Variants in SCN8A observed in about 807,000 individuals in gnomAD.
The protein encoded by SCN8A is sodium voltage-gated channel alpha subunit 8, also known as sodium channel protein type 8 subunit alpha.
Under a neutral mutation model 184.1 loss-of-function variants are expected in SCN8A, and 30 were observed. The ratio of observed to expected loss-of-function variants is 0.16; its 90% CI spans 0.12 to 0.22. SCN8A has a LOEUF of 0.22. Ranked by LOEUF, SCN8A falls within the 10% of genes least tolerant of loss-of-function variation. The pLI is 1.00. For missense variants in SCN8A, 1,057 were observed against 2,498.9 expected (o/e 0.42, Z 12.30); for synonymous variants, 852 against 907.0 (o/e 0.94, Z 1.09).
chr12:51,806,829 T>C lies in SCN8A; in HGVS notation c.5343T>C (p.Ser1781=), dbSNP rs754025083. The change falls in exon 27 of 27, where the codon AGT becomes AGC. Residue 1781 remains serine (S), a synonymous_variant. Coordinates refer to ENST00000627620, the MANE Select transcript of SCN8A (RefSeq NM_001330260.2). This position sits in a 1 kb window ranked among gnomAD's most constrained non-coding sequence, Gnocchi z 8.7. The part of the protein sequence containing the change: ...VATEESADPL[S]EDDFETFYEI... ...CAGAGGAAAGTGCAGACCCTCTGAG[T>C]GAGGATGACTTTGAGACCTTCTATG... The C allele has an allele frequency of 1.9e-6, 3 of 1,614,126 alleles. No individual in the cohort carries two copies.
chr12:51,623,465 A>G (rs1208072692), intron 1 of SCN8A, among the ~76,000 whole-genome samples: 1 of 152,094 alleles, frequency 6.6e-6, no homozygotes, highest in Non-Finnish European at 1.5e-5. Context: ...TGGGGAGTTT[A>G]CTTATTTGTT....
intron 12 of SCN8A, among the ~76,000 whole-genome samples, chr12:51,736,891 G>A (rs952474799): frequency 7.2e-5 from 11 of 152,192 alleles, no homozygotes; most frequent in African/African-American, 1.9e-4. Context: ...AGTATAGGGC[G>A]TCTGAAAAAC....
intron 26 of SCN8A, among the ~76,000 whole-genome samples, chr12:51,798,260 A>C (rs140761745): frequency 0.011 from 1,614 of 152,332 alleles, 25 homozygotes; most frequent in African/African-American, 0.034. Context: ...CTTAGCTGTA[A>C]AGTGAGTGCC....
At chr12:51,763,936 CTCAG>C (rs1942799729) in intron 15 of SCN8A, among the ~76,000 whole-genome samples, 1 of 152,226 alleles carries the variant, frequency 6.6e-6, no homozygotes, top group South Asian at 2.1e-4. Context: ...AGAGATTTCA[CTCAG>C]TCAAAGTCAC....
intron 12 of SCN8A, among the ~76,000 whole-genome samples, chr12:51,743,074 CTT>C (rs1348122602): frequency 1.3e-5 from 2 of 152,116 alleles, no homozygotes; most frequent in African/African-American, 4.8e-5. Flanking sequence ...ATTTCAGTCT[CTT>C]TGTTAAATTT....
At position 51,751,340 on chromosome 12, in the gene SCN8A, TCTTA is replaced by T. The variant is rs587780452; in HGVS notation, c.2132-8_2132-5del. On this transcript the variant is annotated splice_polypyrimidine_tract_variant and intron_variant, in intron 13 of 26. Transcript: ENST00000627620. ...GCTGTGATTGAGGGGCCATCTTTGT[TCTTA>T]CTTACTGTAGAACTGGAAGAGTCTC... 5.0e-6 allele frequency: 8 copies of T among 1,586,656 alleles called. No individual in the cohort carries two copies. The highest frequency in any genetic ancestry group is 1.3e-5 in the African/African-American group (1 of 74,428).
intron 1 of SCN8A, among the ~76,000 whole-genome samples, chr12:51,610,435 GT>G (rs1156694950): frequency 1.3e-5 from 2 of 151,946 alleles, no homozygotes; most frequent in Non-Finnish European, 2.9e-5. Context: ...GTGTACTTTG[GT>G]TTTTTTGTTT....
At chr12:51,702,948 T>G in intron 9 of SCN8A, 34 bp downstream of exon 9, 1 of 1,556,490 alleles carries the variant, frequency 6.4e-7, no homozygotes, top group Non-Finnish European at 8.7e-7. Flanking sequence ...GGCCATAGAG[T>G]TTGCATGAGC....
rs921064206 is a variant in SCN8A, at chr12:51,712,912, C to T, written c.1635+6197C>T. The stretch of plus-strand genomic sequence containing the variant: ...ACCACGGCCAAAATTACCTCCACCA[C>T]CTCCAAAGCTTCCTCCGCAACCCAT... On this transcript the variant is annotated intron_variant, in intron 11 of 26. Transcript: ENST00000627620. 4.4e-6 allele frequency: 7 copies of T among 1,587,020 alleles called. No homozygotes were observed. The African/African-American group carries it at 8.1e-5, about 18-fold the overall frequency.
chr12:51,680,210 T>C (rs985354051), intron 2 of SCN8A, among the ~76,000 whole-genome samples: 1 of 152,194 alleles, frequency 6.6e-6, no homozygotes, highest in East Asian at 1.9e-4. Context: ...GATGAAGATA[T>C]AAGATGTAAA....
intron 6 of SCN8A, among the ~76,000 whole-genome samples, chr12:51,690,939 A>T (rs1418180670): frequency 6.6e-6 from 1 of 152,170 alleles, no homozygotes; most frequent in Non-Finnish European, 1.5e-5. Context: ...TTGGCAAAAA[A>T]CTACAACCTT....
intron 1 of SCN8A, among the ~76,000 whole-genome samples, chr12:51,615,941 A>G (rs1939827533): frequency 1.3e-5 from 2 of 152,148 alleles, no homozygotes; most frequent in Admixed American, 6.5e-5. Flanking sequence ...TGTGTTGCCC[A>G]GGCTGGTCTT....
chr12:51,705,626 T>A lies in SCN8A; in HGVS notation c.1341+3T>A, dbSNP rs1941771222. 1.9e-6 allele frequency: 3 copies of A among 1,610,916 alleles called. No individual in the cohort carries two copies. The highest frequency in any genetic ancestry group is 2.2e-5 in the South Asian group (2 of 90,394). On this transcript the variant is annotated splice_donor_region_variant and intron_variant, in intron 10 of 26. Transcript: ENST00000627620. Reference sequence around the variant, plus strand: ...AGAAGCAACAGGAAGAGGCACAGGTTGGTGATGAATTCTTTGCAATAGACC... The same window carrying A: ...AGAAGCAACAGGAAGAGGCACAGGTAGGTGATGAATTCTTTGCAATAGACC...
intron 14 of SCN8A, among the ~76,000 whole-genome samples, chr12:51,761,749 G>A (rs1942765518): frequency 6.6e-6 from 1 of 152,032 alleles, no homozygotes. Context: ...TCGACCACCA[G>A]AAGTTTTGGG....
chr12:51,774,587 T>C lies in SCN8A; in HGVS notation c.3819+225T>C, dbSNP rs11836472. ...GGGGACTAACCAACCAACTCTTTAG[T>C]CTGGTGGGTTTGGCTTAACTTAGAT... On this transcript the variant is annotated intron_variant, in intron 20 of 26. Transcript: ENST00000627620. Among the ~76,000 whole-genome samples, 4,710 of 152,246 alleles carry C rather than the reference T, an allele frequency of 0.031. 228 individuals are homozygous for C. The highest frequency in any genetic ancestry group is 0.1 in the African/African-American group (4,360 of 41,532).
intron 26 of SCN8A, among the ~76,000 whole-genome samples, chr12:51,796,268 G>T (rs1177782075): frequency 6.6e-6 from 1 of 152,154 alleles, no homozygotes; most frequent in Non-Finnish European, 1.5e-5. Context: ...CATGTGGCTG[G>T]TAAGTGAGCA....
intron 6 of SCN8A, among the ~76,000 whole-genome samples, chr12:51,695,027 T>A (rs776715765): frequency 2.0e-5 from 3 of 152,204 alleles, no homozygotes; most frequent in Non-Finnish European, 4.4e-5. Flanking sequence ...TTATTTAATA[T>A]TGCTGTGTGA....
At chr12:51,666,026 C>G (rs763566272) in intron 2 of SCN8A, among the ~76,000 whole-genome samples, 1 of 152,068 alleles carries the variant, frequency 6.6e-6, no homozygotes, top group Non-Finnish European at 1.5e-5. Flanking sequence ...TGTGCTACTG[C>G]ACTCCAGCCT....
At chr12:51,644,661 T>C (rs1940525805) in intron 1 of SCN8A, among the ~76,000 whole-genome samples, 1 of 151,958 alleles carries the variant, frequency 6.6e-6, no homozygotes, top group Non-Finnish European at 1.5e-5. Context: ...CGCCACCCCG[T>C]CTGGGAAGTG....
Sources: gnomAD v4.1 joint callset for allele counts (sites outside exome capture counted in the v4.1 genomes callset) on GRCh38, gnomAD v4.1.1 for gene constraint, Gnocchi (gnomAD v3.1) non-coding constraint, MANE v1.5 for transcripts, NCBI Gene and HGNC (gene_info 2026-07-23, HGNC 2026-07-21) for gene names.